Variants in UGT1A10 observed in about 807,000 individuals in gnomAD.
The protein encoded by UGT1A10 is UDP glucuronosyltransferase family 1 member A10.
A neutral mutation model predicts 45.8 loss-of-function variants in UGT1A10; 49 were observed. The ratio of observed to expected loss-of-function variants is 1.07; its 90% CI spans 0.85 to 1.36. UGT1A10 has a LOEUF of 1.36. Ranked by LOEUF, UGT1A10 falls within the 40% of genes most tolerant of loss-of-function variation. UGT1A10 has a pLI of 0.00. For synonymous variants in UGT1A10, 284 were observed against 249.7 expected, an observed-to-expected ratio of 1.14 and a Z score of -1.29; for missense variants, 745 against 668.6, an observed-to-expected ratio of 1.11 and a Z score of -1.26.
intron 1 of UGT1A10, chr2:233,713,396 G>C: frequency 6.2e-7 from 1 of 1,614,032 alleles, no homozygotes; most frequent in East Asian, 2.2e-5. Context: ...TGCATAATGA[G>C]GCCCTGATCA....
chr2:233,679,607 C>A (rs2074457324), intron 1 of UGT1A10, among the ~76,000 whole-genome samples: 1 of 152,044 alleles, frequency 6.6e-6, no homozygotes, highest in African/African-American at 2.4e-5. Flanking sequence ...TGTATTAAAA[C>A]CCTGTTCAGG....
At chr2:233,642,371 T>C (rs2073474744) in intron 1 of UGT1A10, among the ~76,000 whole-genome samples, 1 of 152,224 alleles carries the variant, frequency 6.6e-6, no homozygotes, top group Admixed American at 6.5e-5. Context: ...TTTCTAATGA[T>C]TTCAATCTCT....
chr2:233,650,728 C>CT (rs2073717556), intron 1 of UGT1A10, among the ~76,000 whole-genome samples: 2 of 152,010 alleles, frequency 1.3e-5, no homozygotes, highest in African/African-American at 2.4e-5. Flanking sequence ...TTGATGGGGG[C>CT]TTTTTTCCAA....
chr2:233,646,882 C>A (rs555853433), intron 1 of UGT1A10, among the ~76,000 whole-genome samples: 1 of 152,204 alleles, frequency 6.6e-6, no homozygotes, highest in Non-Finnish European at 1.5e-5. Context: ...CAGTAGCAAT[C>A]CACTCTACTG....
chr2:233,683,245 G>A (rs925181068), intron 1 of UGT1A10, among the ~76,000 whole-genome samples: 2 of 151,912 alleles, frequency 1.3e-5, no homozygotes, highest in Non-Finnish European at 2.9e-5. Flanking sequence ...TGCTGGCTAT[G>A]TTTTTTTATG....
chr2:233,743,311 AT>A, intron 1 of UGT1A10: 5 of 650,736 alleles, frequency 7.7e-6, no homozygotes, highest in South Asian at 3.0e-5. Context: ...CTTGGTGGTG[AT>A]TTTTTTACCA....
chr2:233,755,109 T>C, intron 1 of UGT1A10: 1 of 1,333,450 alleles, frequency 7.5e-7, no homozygotes, highest in Non-Finnish European at 1.0e-6. Flanking sequence ...CGACAACACC[T>C]CGTAGGCCTC....
chr2:233,767,797 T>G lies in UGT1A10; in HGVS notation c.988-52T>G, dbSNP rs1012424785. The stretch of plus-strand genomic sequence containing the variant: ...TCTAGTTAGTATAGCAGATTTGTTT[T>G]CTAATCATATTATGTTCTTTCTTTA... On this transcript the variant is annotated intron_variant, in intron 2 of 4. Coordinates refer to ENST00000344644, the MANE Select transcript of UGT1A10 (RefSeq NM_019075.4). 5 of 1,614,032 alleles carry G rather than the reference T, an allele frequency of 3.1e-6. No individual in the cohort carries two copies. In the African/African-American group the frequency reaches 4.0e-5, roughly 13 times the overall value.
intron 1 of UGT1A10, among the ~76,000 whole-genome samples, chr2:233,699,217 A>G (rs17863786): frequency 0.034 from 5,148 of 152,236 alleles, 109 homozygotes; most frequent in African/African-American, 0.056. Flanking sequence ...CATGAAAAAA[A>G]AACAAAAACG....
In UGT1A10 at chr2:233,768,225, C is replaced by T; in HGVS notation, c.1081C>T (p.Pro361Ser). 6.2e-7 allele frequency: 1 copy of T among 1,614,112 alleles called. No homozygotes were observed. The highest frequency in any genetic ancestry group is 8.5e-7 in the Non-Finnish European group (1 of 1,180,032). Reference protein sequence around the residue: ...WLPQNDLLGHPMTRAFITHAG... With the variant: ...WLPQNDLLGHSMTRAFITHAG... Reference sequence around the variant, plus strand: ...CTCCCTATTTTGCATCTCAGGTCACCCGATGACCCGTGCCTTTATCACCCA... The same window carrying T: ...CTCCCTATTTTGCATCTCAGGTCACTCGATGACCCGTGCCTTTATCACCCA... Residue 361 changes from proline (P) to serine (S), a missense_variant, in exon 4 of 5, where the codon CCG becomes TCG. Pro to Ser is a moderately conservative substitution (Grantham distance 74). Transcript: ENST00000344644.
At chr2:233,717,554 G>A (rs1310316217) in intron 1 of UGT1A10, among the ~76,000 whole-genome samples, 2 of 152,208 alleles carry the variant, frequency 1.3e-5, no homozygotes, top group Non-Finnish European at 2.9e-5. Context: ...CACCAGCAAT[G>A]GCAGACATGG....
chr2:233,656,750 A>G (rs2073862191), intron 1 of UGT1A10, among the ~76,000 whole-genome samples: 1 of 152,058 alleles, frequency 6.6e-6, no homozygotes, highest in Admixed American at 6.5e-5. Context: ...GCTGTGACTC[A>G]GTTTTGAAGG....
chr2:233,671,962 C>A lies in UGT1A10; in HGVS notation c.855+34585C>A, dbSNP rs1413995166. 3 of 1,613,690 alleles carry A rather than the reference C, an allele frequency of 1.9e-6. No individual in the cohort carries two copies. Among genetic ancestry groups the A allele is most frequent in the East Asian group, 4.5e-5 (2 of 44,884 alleles). ...GGCTTGCACAGGGTGGACCAGCCCC[C>A]TTCCTCTATGTGTGTGTCTGCTGCT... is the stretch of plus-strand genomic sequence containing the variant. On this transcript the variant is annotated intron_variant, in intron 1 of 4. Coordinates refer to ENST00000344644, the MANE Select transcript of UGT1A10 (RefSeq NM_019075.4).
chr2:233,707,693 G>A lies in UGT1A10; in HGVS notation c.856-59341G>A, dbSNP rs369613240. 2.2e-3 allele frequency among the ~76,000 whole-genome samples: 337 copies of A among 152,208 alleles called. 2 individuals are homozygous for A. The highest frequency in any genetic ancestry group is 3.8e-3 in the Non-Finnish European group (256 of 68,004). On this transcript the variant is annotated intron_variant, in intron 1 of 4. Transcript: ENST00000344644. ...TTCTACTGTTGATGGGCTTTGGGTT[G>A]TATCTAGCTTTTCACTACTGTGAAC...
intron 1 of UGT1A10, among the ~76,000 whole-genome samples, chr2:233,752,803 G>A (rs140636687): frequency 3.1e-4 from 47 of 152,278 alleles, no homozygotes; most frequent in African/African-American, 1.1e-3. Flanking sequence ...TTCTGTAGAA[G>A]GAACACTTCC....
At chr2:233,639,919 G>A (rs2073405750) in intron 1 of UGT1A10, among the ~76,000 whole-genome samples, 1 of 152,192 alleles carries the variant, frequency 6.6e-6, no homozygotes, top group South Asian at 2.1e-4. Context: ...GAGAAAAAGA[G>A]GAAGTCACTC....
At chr2:233,709,468 G>T (rs1361745327) in intron 1 of UGT1A10, among the ~76,000 whole-genome samples, 1 of 152,084 alleles carries the variant, frequency 6.6e-6, no homozygotes, top group Non-Finnish European at 1.5e-5. Flanking sequence ...TCATTTTGGG[G>T]CTTATAAGTA....
chr2:233,723,019 G>C (rs1235467270), intron 1 of UGT1A10, among the ~76,000 whole-genome samples: 2 of 145,208 alleles, frequency 1.4e-5, no homozygotes, highest in Non-Finnish European at 3.0e-5. Flanking sequence ...ATGAGAAGGT[G>C]GAAGGGCCAG....
At chr2:233,747,843 G>T in intron 1 of UGT1A10, 1 of 1,613,470 alleles carries the variant, frequency 6.2e-7, no homozygotes, top group Admixed American at 1.7e-5. Flanking sequence ...CCTGCAAAGG[G>T]TCAAGAACAT....
Sources: gnomAD v4.1 joint callset for allele counts (sites outside exome capture counted in the v4.1 genomes callset) on GRCh38, gnomAD v4.1.1 for gene constraint, MANE v1.5 for transcripts, NCBI Gene and HGNC (gene_info 2026-07-23, HGNC 2026-07-21) for gene names.